The following EGFR variants were observed in gnomAD, a reference collection of about 807,000 sequenced individuals.
The protein encoded by EGFR is epidermal growth factor receptor.
In EGFR, 58 loss-of-function variants were observed where a neutral mutation model predicts 143.0. The observed-to-expected ratio is 0.41, with a 90% CI of 0.33 to 0.50. The LOEUF (loss-of-function observed/expected upper bound fraction) is 0.50, where lower values mean the gene tolerates loss of function less well. Among genes scored for constraint, EGFR ranks in the 20% least tolerant of loss-of-function variants. The pLI, the probability that EGFR is intolerant of heterozygous loss-of-function variation, is 0.39. For synonymous variants in EGFR, 613 were observed against 594.4 expected, an observed-to-expected ratio of 1.03 and a Z score of -0.45; for missense variants, 1,307 against 1,579.0, an observed-to-expected ratio of 0.83 and a Z score of 2.92.
At chr7:55,130,653 A>G (rs1260870929) in intron 1 of EGFR, among the ~76,000 whole-genome samples, 1 of 152,240 alleles carries the variant, frequency 6.6e-6, no homozygotes, top group African/African-American at 2.4e-5. Context: ...AAACCCACAC[A>G]CACTCAGAGC....
intron 20 of EGFR, among the ~76,000 whole-genome samples, chr7:55,185,518 C>T (rs1013219312): frequency 9.2e-5 from 14 of 152,258 alleles, no homozygotes; most frequent in Non-Finnish European, 1.9e-4. Flanking sequence ...CACCCTCTCC[C>T]CGTGGAGCCT....
chr7:55,081,807 C>T (rs1317841234), intron 1 of EGFR, among the ~76,000 whole-genome samples: 3 of 149,972 alleles, frequency 2.0e-5, no homozygotes, highest in Admixed American at 6.6e-5. Context: ...AATTCTGGAG[C>T]TAATCATAGG....
At chr7:55,036,778 G>A (rs1386879459) in intron 1 of EGFR, among the ~76,000 whole-genome samples, 1 of 152,032 alleles carries the variant, frequency 6.6e-6, no homozygotes, top group Non-Finnish European at 1.5e-5. Context: ...AAATACTGTA[G>A]CGACAAAGTA....
chr7:55,058,178 G>A (rs1421700417), intron 1 of EGFR, among the ~76,000 whole-genome samples: 1 of 152,160 alleles, frequency 6.6e-6, no homozygotes, highest in Non-Finnish European at 1.5e-5. Flanking sequence ...GGTGGATCAC[G>A]AGGTCAGGAG....
chr7:55,038,728 C>CTG (rs3063035), intron 1 of EGFR, among the ~76,000 whole-genome samples: 18 of 140,058 alleles, frequency 1.3e-4, no homozygotes, highest in East Asian at 4.1e-4. Context: ...ATCAGTCCTC[C>CTG]TGTGTGTGTG....
chr7:55,131,733 A>G (rs568127779), intron 1 of EGFR, among the ~76,000 whole-genome samples: 17 of 152,018 alleles, frequency 1.1e-4, no homozygotes, highest in Non-Finnish European at 2.4e-4. Context: ...CCCTCGGGGG[A>G]AAAGTCCAGA....
chr7:55,144,491 GGGGT>G (rs1311710021), intron 3 of EGFR, among the ~76,000 whole-genome samples: 1 of 152,226 alleles, frequency 6.6e-6, no homozygotes, highest in Non-Finnish European at 1.5e-5. Context: ...TGGTAGGAAA[GGGGT>G]GTGATGAAAG....
chr7:55,193,500 T>A (rs145409072), intron 22 of EGFR, among the ~76,000 whole-genome samples: 1 of 152,216 alleles, frequency 6.6e-6, no homozygotes, highest in East Asian at 1.9e-4. Context: ...TACAGGGGCC[T>A]CCCATGTTGA....
intron 20 of EGFR, among the ~76,000 whole-genome samples, chr7:55,190,396 G>A (rs73346614): frequency 0.017 from 2,647 of 152,222 alleles, 69 homozygotes; most frequent in African/African-American, 0.056. Context: ...GACTAATTCT[G>A]CATAGCATCT....
Position 55,075,500 on chromosome 7 carries a change from T to C in EGFR, c.88+56135T>C, listed in dbSNP as rs568494541. 1.2e-4 allele frequency among the ~76,000 whole-genome samples: 18 copies of C among 152,348 alleles called. No homozygotes were observed. The South Asian group carries it at 3.7e-3, about 32-fold the overall frequency. On this transcript the variant is annotated intron_variant, in intron 1 of 27. Transcript: ENST00000275493. ...GCAACAATGTGTTTTGGAACAAATTTACCAATCTGAATTTCCCCCTAGATT... is the reference window on the plus strand; with the variant it reads ...GCAACAATGTGTTTTGGAACAAATTCACCAATCTGAATTTCCCCCTAGATT...
intron 25 of EGFR, 38 bp from the exon 26 acceptor site, chr7:55,201,697 C>G (rs1320127692): frequency 1.2e-6 from 2 of 1,613,332 alleles, no homozygotes. Flanking sequence ...AGATGTGGTA[C>G]AAGCATTCCA....
chr7:55,084,729 TATCTGGGAGAA>T (rs1790656563), intron 1 of EGFR, among the ~76,000 whole-genome samples: 1 of 152,260 alleles, frequency 6.6e-6, no homozygotes, highest in African/African-American at 2.4e-5. Context: ...TGTGGATATT[TATCTGGGAGAA>T]AACTAAGAGG....
At chr7:55,088,754 G>A (rs11979406) in intron 1 of EGFR, among the ~76,000 whole-genome samples, 29,226 of 152,102 alleles carry the variant, frequency 0.19, 3,228 homozygotes, top group African/African-American at 0.29. Context: ...AAAGGCCTTC[G>A]CAATTGAAAC....
intron 18 of EGFR, among the ~76,000 whole-genome samples, chr7:55,174,339 C>T (rs1038965554): frequency 5.3e-5 from 8 of 152,246 alleles, no homozygotes; most frequent in South Asian, 2.1e-4. Flanking sequence ...TCTCACCGCA[C>T]GGCATCAGAA....
rs776728879 is a variant in EGFR, at chr7:55,173,006, C to G, written c.1943C>G (p.Thr648Ser). ...TNGPKIPSIA[T>S]GMVGALLLLL... Reference sequence around the variant, plus strand: ...AGGCCTAAGATCCCGTCCATCGCCACTGGGATGGTGGGGGCCCTCCTCTTG... The same window carrying G: ...AGGCCTAAGATCCCGTCCATCGCCAGTGGGATGGTGGGGGCCCTCCTCTTG... The change falls in exon 17 of 28, where the codon ACT (threonine) becomes AGT (serine). Residue 648 changes from threonine (T) to serine (S), a missense_variant. Thr to Ser is a moderately conservative substitution (Grantham distance 58). This residue lies in a region of EGFR where 348 missense variants were observed against 451.5 expected (regional missense o/e 0.77). Transcript: ENST00000275493. 1.9e-6 allele frequency: 3 copies of G among 1,614,080 alleles called. No individual in the cohort carries two copies. In the African/African-American group the frequency reaches 4.0e-5, roughly 22 times the overall value.
At chr7:55,129,062 T>C (rs1793690716) in intron 1 of EGFR, among the ~76,000 whole-genome samples, 1 of 152,216 alleles carries the variant, frequency 6.6e-6, no homozygotes, top group African/African-American at 2.4e-5. Flanking sequence ...GAAAACAAAA[T>C]GTTTGTGCTG....
intron 1 of EGFR, among the ~76,000 whole-genome samples, chr7:55,091,756 A>G (rs1791129156): frequency 6.6e-6 from 1 of 151,778 alleles, no homozygotes; most frequent in Non-Finnish European, 1.5e-5. Context: ...GCCTCAGAGG[A>G]GCTGTGTGCA....
chr7:55,036,549 C>CA (rs1787598313), intron 1 of EGFR, among the ~76,000 whole-genome samples: 1 of 152,142 alleles, frequency 6.6e-6, no homozygotes, highest in Admixed American at 6.5e-5. Flanking sequence ...CCTGAATCCC[C>CA]AGCCATTTGG....
chr7:55,040,053 G>C (rs1453849649), intron 1 of EGFR, among the ~76,000 whole-genome samples: 5 of 152,116 alleles, frequency 3.3e-5, no homozygotes, highest in African/African-American at 4.8e-5. Flanking sequence ...CATGTGTCCC[G>C]GTTTGAAAGC....
Sources: allele counts gnomAD v4.1 joint callset (sites outside exome capture counted in the v4.1 genomes callset), GRCh38; gene constraint gnomAD v4.1.1; regional missense constraint gnomAD v4.1.1; transcripts MANE v1.5; gene names NCBI Gene and HGNC (gene_info 2026-07-23, HGNC 2026-07-21).